LRMDA: variants seen among roughly 807,000 people sequenced by gnomAD.
LRMDA encodes the protein leucine rich melanocyte differentiation associated.
Under a neutral mutation model 29.8 loss-of-function variants are expected in LRMDA, and 18 were observed. That is an observed-to-expected ratio of 0.60 (90% CI 0.42 to 0.90). The LOEUF is 0.90. LRMDA is among the 40% of genes least tolerant of loss of function. The pLI is 0.00. For missense variants in LRMDA, 273 were observed against 273.9 expected, an observed-to-expected ratio of 1.00 and a Z score of 0.02; for synonymous variants, 125 against 109.4, an observed-to-expected ratio of 1.14 and a Z score of -0.89.
At chr10:75,777,782 A>T (rs1281878491) in intron 2 of LRMDA, among the ~76,000 whole-genome samples, 2 of 152,124 alleles carry the variant, frequency 1.3e-5, no homozygotes, top group Non-Finnish European at 2.9e-5. Flanking sequence ...ACAGTGGAAC[A>T]CATGTTGTGG....
chr10:76,255,518 A>G (rs899465951), intron 5 of LRMDA, among the ~76,000 whole-genome samples: 4 of 152,212 alleles, frequency 2.6e-5, no homozygotes, highest in Non-Finnish European at 4.4e-5. Context: ...GCTACATATC[A>G]TTCTTATTAT....
chr10:75,727,202 G>A (rs1018785682), intron 2 of LRMDA, among the ~76,000 whole-genome samples: 1 of 152,078 alleles, frequency 6.6e-6, no homozygotes. Context: ...TTTCTTCTCT[G>A]CGGTGATGCT....
chr10:75,915,120 CTTTTTTTTTTTTTTTTTTT>C (rs71024579), intron 2 of LRMDA, among the ~76,000 whole-genome samples: 1 of 75,218 alleles, frequency 1.3e-5, no homozygotes, highest in African/African-American at 5.4e-5. Context: ...GTCTAACCTT[CTTTTTTTTTTTTTTTTTTT>C]TTTTTTTTTT....
At chr10:76,277,023 G>T (rs1414316992) in intron 5 of LRMDA, among the ~76,000 whole-genome samples, 1 of 152,150 alleles carries the variant, frequency 6.6e-6, no homozygotes, top group Non-Finnish European at 1.5e-5. Flanking sequence ...GCACAGCTCA[G>T]AGATGAGCTG....
chr10:76,142,723 G>A (rs1019965909), intron 5 of LRMDA, among the ~76,000 whole-genome samples: 5 of 148,658 alleles, frequency 3.4e-5, no homozygotes, highest in Admixed American at 6.6e-5. Context: ...TAAGTTTTAG[G>A]GTACATGTGC....
At chr10:75,804,673 G>A (rs1381377268) in intron 2 of LRMDA, among the ~76,000 whole-genome samples, 3 of 152,248 alleles carry the variant, frequency 2.0e-5, no homozygotes, top group Admixed American at 6.5e-5. Context: ...GGCCTGGGCC[G>A]TGGGGCTTGC....
intron 5 of LRMDA, among the ~76,000 whole-genome samples, chr10:76,163,043 A>T (rs1850675712): frequency 6.6e-6 from 1 of 152,204 alleles, no homozygotes; most frequent in Admixed American, 6.5e-5. Context: ...AAATAAGCAC[A>T]TGGGAAATTA....
rs112209771 is a variant in LRMDA at position 76,145,653 on chromosome 10, A to G, written c.516+86870A>G. Among the ~76,000 whole-genome samples, 252 of 152,124 alleles carry G rather than the reference A, an allele frequency of 1.7e-3. 1 individual carries two copies. Among genetic ancestry groups the G allele is most frequent in the African/African-American group, 5.7e-3 (236 of 41,492 alleles). ...TTTCGAAAAACCAGCTCCTGGATTC[A>G]TTAATTTTTTGAAGGTATTTTTGTG... On this transcript the variant is annotated intron_variant, in intron 5 of 6. Transcript: ENST00000611255.
chr10:76,406,499 G>A (rs1174530925), intron 6 of LRMDA, among the ~76,000 whole-genome samples: 3 of 152,202 alleles, frequency 2.0e-5, no homozygotes, highest in African/African-American at 7.2e-5. Context: ...GAGCCTCTAT[G>A]TTCTAAAGAC....
At chr10:76,038,877 G>A (rs1848296419) in intron 3 of LRMDA, among the ~76,000 whole-genome samples, 1 of 152,148 alleles carries the variant, frequency 6.6e-6, no homozygotes, top group Non-Finnish European at 1.5e-5. Context: ...GTTTGGCCAG[G>A]GCTCAGCAGG....
chr10:75,772,855 T>C, intron 2 of LRMDA, among the ~76,000 whole-genome samples: 1 of 9,068 alleles, frequency 1.1e-4, no homozygotes, highest in Non-Finnish European at 2.4e-4. Flanking sequence ...TCTTATTTTT[T>C]GGGGGGGGTG....
chr10:75,735,460 T>C (rs1454991487), intron 2 of LRMDA, among the ~76,000 whole-genome samples: 1 of 152,110 alleles, frequency 6.6e-6, no homozygotes, highest in Non-Finnish European at 1.5e-5. Context: ...AAAAACAAAC[T>C]AACTAACAAT....
intron 2 of LRMDA, among the ~76,000 whole-genome samples, chr10:75,598,670 C>T (rs961557944): frequency 6.6e-6 from 1 of 152,190 alleles, no homozygotes; most frequent in Non-Finnish European, 1.5e-5. Flanking sequence ...TTGCTTGCCT[C>T]GCGTACGACT....
intron 5 of LRMDA, among the ~76,000 whole-genome samples, chr10:76,262,074 A>AAAT (rs1463659417): frequency 6.6e-6 from 1 of 152,090 alleles, no homozygotes; most frequent in African/African-American, 2.4e-5. Context: ...CTCTAAAAAA[A>AAAT]AATAATAATA....
chr10:75,877,481 G>T (rs537182195), intron 2 of LRMDA, among the ~76,000 whole-genome samples: 1 of 152,208 alleles, frequency 6.6e-6, no homozygotes, highest in Non-Finnish European at 1.5e-5. Context: ...GCTCCTGGGT[G>T]GCATGGATCA....
At chr10:75,725,817 G>T (rs187944826) in intron 2 of LRMDA, among the ~76,000 whole-genome samples, 337 of 152,290 alleles carry the variant, frequency 2.2e-3, no homozygotes, top group Non-Finnish European at 3.0e-3. Context: ...TTGACTGGGT[G>T]GGAGGGCTTT....
intron 5 of LRMDA, among the ~76,000 whole-genome samples, chr10:76,071,143 A>C (rs995632060): frequency 6.6e-6 from 1 of 152,168 alleles, no homozygotes; most frequent in African/African-American, 2.4e-5. Flanking sequence ...ATGAAGGCTG[A>C]TGTTTAGATC....
At chr10:75,470,778 G>T (rs1196116824) in intron 2 of LRMDA, among the ~76,000 whole-genome samples, 1 of 152,206 alleles carries the variant, frequency 6.6e-6, no homozygotes, top group East Asian at 1.9e-4. Context: ...ACATAAGGTT[G>T]TGGGGTCCTC....
At chr10:76,159,249 C>T (rs1044747124) in intron 5 of LRMDA, among the ~76,000 whole-genome samples, 1 of 151,968 alleles carries the variant, frequency 6.6e-6, no homozygotes, top group African/African-American at 2.4e-5. Context: ...ATGTTTGGAC[C>T]CTATTTTGAA....
Sources: allele counts gnomAD v4.1 joint callset (sites outside exome capture counted in the v4.1 genomes callset), GRCh38; gene constraint gnomAD v4.1.1; transcripts MANE v1.5; gene names NCBI Gene and HGNC (gene_info 2026-07-23, HGNC 2026-07-21).